SPSB1: variants seen among roughly 807,000 people sequenced by gnomAD.
SPSB1 encodes the protein splA/ryanodine receptor domain and SOCS box containing 1.
Under a neutral mutation model 21.2 loss-of-function variants are expected in SPSB1, and 8 were observed. That is an observed-to-expected ratio of 0.38 (90% CI 0.22 to 0.68). SPSB1 has a LOEUF of 0.68. Among genes scored for constraint, SPSB1 ranks in the 30% least tolerant of loss-of-function variants. The pLI is 0.53. For missense variants in SPSB1, 242 were observed against 377.8 expected, an observed-to-expected ratio of 0.64 and a Z score of 2.98; for synonymous variants, 169 against 161.7, an observed-to-expected ratio of 1.05 and a Z score of -0.34.
intron 1 of SPSB1, among the ~76,000 whole-genome samples, chr1:9,319,224 G>C (rs1033947588): frequency 1.3e-5 from 2 of 152,158 alleles, no homozygotes; most frequent in Admixed American, 1.3e-4. Context: ...GAGGAGGTAG[G>C]ACCTGGGAAG....
rs1010303257 is a variant in SPSB1, at chr1:9,321,640, G to A, written c.-150+28569G>A. ...TCATCACATCTGAGACCCGTCGACC[G>A]TGAGCTTCACCTTTAAATAAAAAAA... On this transcript the variant is annotated intron_variant, in intron 1 of 2. Coordinates refer to ENST00000328089, the MANE Select transcript of SPSB1 (RefSeq NM_025106.4). This position sits in a 1 kb window ranked among gnomAD's most constrained non-coding sequence, Gnocchi z 4.8. Among the ~76,000 whole-genome samples, 28 of 152,144 alleles carry A rather than the reference G, an allele frequency of 1.8e-4. No homozygotes were observed. The highest frequency in any genetic ancestry group is 7.9e-4 in the Admixed American group (12 of 15,270).
chr1:9,306,003 A>G (rs1639403814), intron 1 of SPSB1, among the ~76,000 whole-genome samples: 1 of 152,044 alleles, frequency 6.6e-6, no homozygotes, highest in African/African-American at 2.4e-5. Context: ...GTAACGTGGG[A>G]GAGGGGTTCG....
chr1:9,299,363 G>A (rs962391126), intron 1 of SPSB1, among the ~76,000 whole-genome samples: 2 of 152,216 alleles, frequency 1.3e-5, no homozygotes, highest in Non-Finnish European at 2.9e-5. Flanking sequence ...CTGGGGCTGG[G>A]CACGGTGGCT....
chr1:9,300,957 C>T (rs1353896510), intron 1 of SPSB1, among the ~76,000 whole-genome samples: 1 of 152,238 alleles, frequency 6.6e-6, no homozygotes, highest in Non-Finnish European at 1.5e-5. Context: ...GAAGGCACAA[C>T]CCGAAAGTGG....
intron 1 of SPSB1, among the ~76,000 whole-genome samples, chr1:9,340,126 C>G (rs1322551556): frequency 6.6e-6 from 1 of 152,172 alleles, no homozygotes; most frequent in Non-Finnish European, 1.5e-5. Context: ...CTAGGGTCAC[C>G]GGGTGCAGGG....
At position 9,293,542 on chromosome 1, in the gene SPSB1, C is replaced by A. The variant is rs1027730550; in HGVS notation, c.-150+471C>A. On this transcript the variant is annotated intron_variant, in intron 1 of 2. Coordinates refer to ENST00000328089, the MANE Select transcript of SPSB1 (RefSeq NM_025106.4). The surrounding 1 kb of genome is among the most constrained non-coding windows in gnomAD (Gnocchi z 5.1). ...GGGATTGGCGGCGCGGCCCGGTCCC[C>A]CGTCGGGGCGCCCCCACCCTCCCGC... Among the ~76,000 whole-genome samples, 6 of 151,948 alleles carry A rather than the reference C, an allele frequency of 3.9e-5. No individual in the cohort carries two copies. Among genetic ancestry groups the A allele is most frequent in the African/African-American group, 9.7e-5 (4 of 41,404 alleles).
At chr1:9,322,319 G>C (rs913172238) in intron 1 of SPSB1, among the ~76,000 whole-genome samples, 23 of 152,320 alleles carry the variant, frequency 1.5e-4, no homozygotes, top group African/African-American at 5.3e-4. Context: ...GGTTCGGAAA[G>C]TCTCTCAGGT....
rs966877409 is a variant in SPSB1 at position 9,305,634 on chromosome 1, C to G, written c.-150+12563C>G. On this transcript the variant is annotated intron_variant, in intron 1 of 2. Coordinates refer to ENST00000328089, the MANE Select transcript of SPSB1 (RefSeq NM_025106.4). This position sits in a 1 kb window ranked among gnomAD's most constrained non-coding sequence, Gnocchi z 4.8. ...TCACGGAACTAAACTGCCAGGTGTT[C>G]CGTTCTCAGACCAGACTTCCTTCCA... Among the ~76,000 whole-genome samples the G allele has an allele frequency of 6.6e-6, 1 of 152,304 alleles. No individual in the cohort carries two copies. The highest frequency in any genetic ancestry group is 6.5e-5 in the Admixed American group (1 of 15,302).
chr1:9,323,180 C>G (rs1030204803), intron 1 of SPSB1, among the ~76,000 whole-genome samples: 1 of 152,260 alleles, frequency 6.6e-6, no homozygotes, highest in African/African-American at 2.4e-5. Flanking sequence ...CATGGGGCCT[C>G]TGTCCCGGCA....
At chr1:9,357,024 GATGAGTGGATGAACAAGTGGATGGATGA>G (rs1156332622) in intron 2 of SPSB1, among the ~76,000 whole-genome samples, 1 of 152,108 alleles carries the variant, frequency 6.6e-6, no homozygotes, top group African/African-American at 2.4e-5. Flanking sequence ...TTGATGGATG[GATGAGTGGATGAACAAGTGGATGGATGA>G]ATGAGTGGAT....
intron 1 of SPSB1, among the ~76,000 whole-genome samples, chr1:9,353,840 C>G (rs1640315934): frequency 6.6e-6 from 1 of 151,984 alleles, no homozygotes. Context: ...ATCGCTTGAA[C>G]CCAGGAAGCG....
At chr1:9,318,414 A>G (rs987186180) in intron 1 of SPSB1, among the ~76,000 whole-genome samples, 8 of 152,234 alleles carry the variant, frequency 5.3e-5, no homozygotes, top group Non-Finnish European at 8.8e-5. Flanking sequence ...GAATGGGGAC[A>G]GCGTCCTCTC....
At chr1:9,339,805 C>T (rs933885507) in intron 1 of SPSB1, among the ~76,000 whole-genome samples, 1 of 152,160 alleles carries the variant, frequency 6.6e-6, no homozygotes, top group African/African-American at 2.4e-5. Context: ...CCCTGCCCCC[C>T]ATTCTTGTGG....
intron 1 of SPSB1, among the ~76,000 whole-genome samples, chr1:9,313,528 G>A (rs1639560116): frequency 6.6e-6 from 1 of 152,228 alleles, no homozygotes; most frequent in South Asian, 2.1e-4. Flanking sequence ...ACCTCTGAGT[G>A]GGAACAGGCA....
rs1298572521 is a variant in SPSB1 at position 9,348,099 on chromosome 1, C to T, written c.-149-7644C>T. Among the ~76,000 whole-genome samples the T allele has an allele frequency of 6.6e-6, 1 of 152,050 alleles. No homozygotes were observed. Among genetic ancestry groups the T allele is most frequent in the Non-Finnish European group, 1.5e-5 (1 of 67,998 alleles). On this transcript the variant is annotated intron_variant, in intron 1 of 2. Coordinates refer to ENST00000328089, the MANE Select transcript of SPSB1 (RefSeq NM_025106.4). The surrounding 1 kb of genome is among the most constrained non-coding windows in gnomAD (Gnocchi z 4.8). ...AGCTGGGATTACAGGTGCTCACCACCACGCCCAGCTTATTTTTGTATTTTT... is the reference window on the plus strand; with the variant it reads ...AGCTGGGATTACAGGTGCTCACCACTACGCCCAGCTTATTTTTGTATTTTT...
chr1:9,321,658 T>TA lies in SPSB1; in HGVS notation c.-150+28598dup, dbSNP rs764427848. Among the ~76,000 whole-genome samples the TA allele has an allele frequency of 1.6e-3, 235 of 146,596 alleles. 1 individual carries two copies. The highest frequency in any genetic ancestry group is 0.011 in the Middle Eastern group (3 of 284). On this transcript the variant is annotated intron_variant, in intron 1 of 2. Transcript: ENST00000328089. The surrounding 1 kb of genome is among the most constrained non-coding windows in gnomAD (Gnocchi z 4.8). ...GTCGACCGTGAGCTTCACCTTTAAA[T>TA]AAAAAAAAAAATGCTGCTGATTGTC... is the stretch of plus-strand genomic sequence containing the variant.
At chr1:9,322,368 G>A (rs1639735207) in intron 1 of SPSB1, among the ~76,000 whole-genome samples, 1 of 152,186 alleles carries the variant, frequency 6.6e-6, no homozygotes, top group Non-Finnish European at 1.5e-5. Flanking sequence ...AGAACGCAGG[G>A]TTGTCAGCTC....
chr1:9,307,868 G>A (rs766637061), intron 1 of SPSB1, among the ~76,000 whole-genome samples: 8 of 152,132 alleles, frequency 5.3e-5, no homozygotes, highest in African/African-American at 1.4e-4. Context: ...TCTTCGGGGT[G>A]CGCGTGGCCC....
chr1:9,307,188 A>G (rs1639431348), intron 1 of SPSB1, among the ~76,000 whole-genome samples: 1 of 152,114 alleles, frequency 6.6e-6, no homozygotes, highest in Non-Finnish European at 1.5e-5. Context: ...TTGGCCTCCC[A>G]AAGTGCTGGG....
Sources: gnomAD v4.1 joint callset for allele counts (sites outside exome capture counted in the v4.1 genomes callset) on GRCh38, gnomAD v4.1.1 for gene constraint, Gnocchi (gnomAD v3.1) non-coding constraint, MANE v1.5 for transcripts, NCBI Gene and HGNC (gene_info 2026-07-23, HGNC 2026-07-21) for gene names.